FOCAD: variants seen among roughly 807,000 people sequenced by gnomAD.
FOCAD encodes KIAA1797.
Under a neutral mutation model 225.6 loss-of-function variants are expected in FOCAD, and 198 were observed. That is an observed-to-expected ratio of 0.88 (90% CI 0.78 to 0.99). The LOEUF is 0.99. Among genes scored for constraint, FOCAD ranks in the 50% least tolerant of loss-of-function variants. The pLI is 0.00. For synonymous variants in FOCAD, 897 were observed against 755.0 expected, an observed-to-expected ratio of 1.19 and a Z score of -3.08; for missense variants, 2,713 against 2,123.6, an observed-to-expected ratio of 1.28 and a Z score of -5.46.
rs773600474 is a variant in FOCAD at position 20,981,602 on chromosome 9, A to G, written c.4554A>G (p.Lys1518=). 1.2e-6 allele frequency: 2 copies of G among 1,613,990 alleles called. No individual in the cohort carries two copies. The highest frequency in any genetic ancestry group is 4.5e-5 in the East Asian group (2 of 44,812). ...TACACGGTCTGAGCCAGGCCATGAA[A>G]CTGCCCAGCCCTGCCCACCACCTCT... ...SALHGLSQAM[K]LPSPAHHLWS... The change falls in exon 38 of 44, where the codon AAA becomes AAG. Residue 1518 remains lysine, a synonymous_variant. Transcript: ENST00000338382.
intron 11 of FOCAD, among the ~76,000 whole-genome samples, chr9:20,804,627 G>A (rs1463763465): frequency 6.6e-6 from 1 of 152,104 alleles, no homozygotes; most frequent in African/African-American, 2.4e-5. Flanking sequence ...TTATTACACT[G>A]TGTGTGAAAC....
chr9:20,851,224 C>T (rs1341998122), intron 15 of FOCAD, among the ~76,000 whole-genome samples: 52 of 138,258 alleles, frequency 3.8e-4, no homozygotes, highest in Middle Eastern at 7.3e-3. Flanking sequence ...TTTTTTTTTT[C>T]GTGGGGTGGG....
At chr9:20,719,302 C>T (rs376611882) in intron 3 of FOCAD, among the ~76,000 whole-genome samples, 36 of 152,146 alleles carry the variant, frequency 2.4e-4, no homozygotes, top group African/African-American at 7.2e-4. Context: ...AGGCTGGTCT[C>T]GAACTTCTGA....
chr9:20,775,947 G>T (rs1818713600), intron 8 of FOCAD, among the ~76,000 whole-genome samples: 1 of 151,624 alleles, frequency 6.6e-6, no homozygotes, highest in African/African-American at 2.4e-5. Context: ...TTCAGGCTCT[G>T]AGTTAGCCTG....
chr9:20,800,347 A>G (rs996913972), intron 11 of FOCAD, among the ~76,000 whole-genome samples: 1 of 151,780 alleles, frequency 6.6e-6, no homozygotes, highest in Non-Finnish European at 1.5e-5. Flanking sequence ...CTTCTCGAGG[A>G]GTATCTTTGT....
At chr9:20,672,787 C>T (rs1047203025) in intron 2 of FOCAD, among the ~76,000 whole-genome samples, 1 of 152,182 alleles carries the variant, frequency 6.6e-6, no homozygotes, top group African/African-American at 2.4e-5. Flanking sequence ...CAAAGAACCA[C>T]AGGAAAAACT....
chr9:20,975,995 C>G (rs562671883), intron 35 of FOCAD, among the ~76,000 whole-genome samples: 9 of 152,152 alleles, frequency 5.9e-5, no homozygotes, highest in African/African-American at 2.2e-4. Flanking sequence ...TTCTGGTGTT[C>G]TAAAGCACTG....
intron 28 of FOCAD, among the ~76,000 whole-genome samples, chr9:20,939,279 C>T (rs2132278537): frequency 6.6e-6 from 1 of 151,726 alleles, no homozygotes; most frequent in East Asian, 1.9e-4. Flanking sequence ...TATTTGAATC[C>T]AATGAAGAGT....
intron 18 of FOCAD, among the ~76,000 whole-genome samples, chr9:20,870,265 G>A (rs1829645629): frequency 6.6e-6 from 1 of 152,192 alleles, no homozygotes; most frequent in African/African-American, 2.4e-5. Flanking sequence ...GATTTAAAGT[G>A]AATGTCACTG....
intron 13 of FOCAD, 49 bp from the exon 14 acceptor site, chr9:20,820,892 A>T: frequency 3.1e-6 from 5 of 1,594,864 alleles, no homozygotes; most frequent in Non-Finnish European, 4.3e-6. Flanking sequence ...GATAATGATT[A>T]TTCAACTCAA....
intron 2 of FOCAD, among the ~76,000 whole-genome samples, chr9:20,717,453 A>G (rs1051728519): frequency 2.0e-5 from 3 of 152,226 alleles, no homozygotes; most frequent in Non-Finnish European, 4.4e-5. Context: ...TTTAAAAACT[A>G]TGGGCTTTCT....
chr9:20,671,781 G>A (rs1048867879), intron 2 of FOCAD, among the ~76,000 whole-genome samples: 1 of 152,116 alleles, frequency 6.6e-6, no homozygotes, highest in Non-Finnish European at 1.5e-5. Context: ...GTGATGTGCC[G>A]ACTCTCTCAA....
intron 39 of FOCAD, among the ~76,000 whole-genome samples, chr9:20,985,814 G>A (rs899623983): frequency 4.6e-5 from 7 of 151,968 alleles, no homozygotes; most frequent in African/African-American, 1.2e-4. Context: ...AAAAATAAAC[G>A]TCAGTACAAT....
At chr9:20,728,280 A>G (rs973116379) in intron 4 of FOCAD, among the ~76,000 whole-genome samples, 5 of 152,316 alleles carry the variant, frequency 3.3e-5, no homozygotes, top group Admixed American at 6.5e-5. Flanking sequence ...GGATATTTGC[A>G]TATATATAAA....
rs574809410 is a variant in FOCAD, at chr9:20,814,690, T to C, written c.1456-5106T>C. 3.3e-5 allele frequency among the ~76,000 whole-genome samples: 5 copies of C among 152,028 alleles called. No homozygotes were observed. In the South Asian group the frequency reaches 1.0e-3, roughly 32 times the overall value. On this transcript the variant is annotated intron_variant, in intron 11 of 43. Coordinates refer to ENST00000338382, the MANE Select transcript of FOCAD (RefSeq NM_001375567.1). Reference sequence around the variant, plus strand: ...TTCTTTTGTGCATGTTCTATGTGTATTTTTTTTATGGTTGCCATGGGACTT... The same window carrying C: ...TTCTTTTGTGCATGTTCTATGTGTACTTTTTTTATGGTTGCCATGGGACTT...
intron 1 of FOCAD, among the ~76,000 whole-genome samples, chr9:20,686,407 T>C (rs1822671369): frequency 1.3e-5 from 2 of 152,176 alleles, no homozygotes. Context: ...TCCCTCCGCG[T>C]TGGTGTTACA....
chr9:20,709,063 CTA>C (rs569817064), intron 1 of FOCAD, among the ~76,000 whole-genome samples: 36 of 152,116 alleles, frequency 2.4e-4, no homozygotes, highest in Non-Finnish European at 4.1e-4. Flanking sequence ...CCTAGAGAAA[CTA>C]TTGAGAAAGT....
chr9:20,755,953 A>C (rs776736156), intron 5 of FOCAD, among the ~76,000 whole-genome samples: 2 of 151,890 alleles, frequency 1.3e-5, no homozygotes, highest in Non-Finnish European at 2.9e-5. Context: ...AATCACTGCT[A>C]CTGGCCTGTT....
chr9:20,812,367 G>A (rs979610701), intron 11 of FOCAD, among the ~76,000 whole-genome samples: 2 of 151,820 alleles, frequency 1.3e-5, no homozygotes, highest in Non-Finnish European at 2.9e-5. Flanking sequence ...TAACCATGAT[G>A]AATAGTAACA....
Sources: gnomAD v4.1 joint callset for allele counts (sites outside exome capture counted in the v4.1 genomes callset) on GRCh38, gnomAD v4.1.1 for gene constraint, MANE v1.5 for transcripts, NCBI Gene and HGNC (gene_info 2026-07-23, HGNC 2026-07-21) for gene names.